Variants in KDM2A observed in about 807,000 individuals in gnomAD.
KDM2A encodes the protein lysine demethylase 2A.
Under a neutral mutation model 137.3 loss-of-function variants are expected in KDM2A, and 3 were observed. The observed-to-expected ratio is 0.02, with a 90% CI of 0.01 to 0.06. The LOEUF is 0.06. KDM2A is among the 10% of genes least tolerant of loss of function. The pLI is 1.00. For synonymous variants in KDM2A, 512 were observed against 541.5 expected, an observed-to-expected ratio of 0.95 and a Z score of 0.76; for missense variants, 738 against 1,510.6, an observed-to-expected ratio of 0.49 and a Z score of 8.48.
At chr11:67,204,962 T>C (rs193141551) in intron 5 of KDM2A, among the ~76,000 whole-genome samples, 20 of 152,328 alleles carry the variant, frequency 1.3e-4, no homozygotes, top group African/African-American at 3.8e-4. Context: ...CTGCAGTGAA[T>C]ATTTATGTAC....
chr11:67,212,633 GAT>G (rs967995971), intron 6 of KDM2A, among the ~76,000 whole-genome samples: 49 of 152,222 alleles, frequency 3.2e-4, no homozygotes, highest in African/African-American at 1.1e-3. Context: ...CAAGGCTAAA[GAT>G]TAACCTAAGA....
intron 6 of KDM2A, among the ~76,000 whole-genome samples, chr11:67,209,728 GCCA>G (rs1857921330): frequency 6.6e-6 from 1 of 152,166 alleles, no homozygotes; most frequent in Non-Finnish European, 1.5e-5. Context: ...ACAGGTGTGA[GCCA>G]CTGTACCCGG....
intron 5 of KDM2A, among the ~76,000 whole-genome samples, chr11:67,188,143 C>A (rs990065680): frequency 6.6e-6 from 1 of 151,792 alleles, no homozygotes; most frequent in African/African-American, 2.4e-5. Flanking sequence ...CTGATCACAC[C>A]ACTGTAGTCC....
rs747423145 is a variant in KDM2A at position 67,250,774 on chromosome 11, G to T, written c.2744G>T (p.Arg915Leu). ...CGCAGAGAACTTTGTGAATGTATGC[G>T]AGTGTGCAAGACGTGGTATAAATGG... ...LSRRELCECMRVCKTWYKWCC... is the reference protein window; with the variant it reads ...LSRRELCECMLVCKTWYKWCC... Residue 915 changes from arginine (R) to leucine (L), a missense_variant, in exon 17 of 21, where the codon CGA becomes CTA. By Grantham distance (102) the Arg-to-Leu change is moderately radical. Coordinates refer to ENST00000529006, the MANE Select transcript of KDM2A (RefSeq NM_012308.3). The surrounding 1 kb of genome is among the most constrained non-coding windows in gnomAD (Gnocchi z 7.1). The T allele has an allele frequency of 6.5e-7, 1 of 1,537,654 alleles. No individual in the cohort carries two copies. Among genetic ancestry groups the T allele is most frequent in the African/African-American group, 1.4e-5 (1 of 72,824 alleles).
At chr11:67,242,056 A>G (rs186768578) in intron 12 of KDM2A, among the ~76,000 whole-genome samples, 1 of 152,262 alleles carries the variant, frequency 6.6e-6, no homozygotes, top group Non-Finnish European at 1.5e-5. Context: ...CCTGAGCAAC[A>G]GAGTGAGACT....
chr11:67,255,281 T>G lies in KDM2A; in HGVS notation c.*226T>G, dbSNP rs577399845. ...AGGAAAAGGGAGTAGCAGATTGATC[T>G]GAGGGGAAAGCACAGGCTGTGCTGT... On this transcript the variant is annotated 3_prime_UTR_variant, in exon 21 of 21. Coordinates refer to ENST00000529006, the MANE Select transcript of KDM2A (RefSeq NM_012308.3). The G allele has an allele frequency of 1.8e-6, 1 of 565,968 alleles. No homozygotes were observed. Among genetic ancestry groups the G allele is most frequent in the African/African-American group, 1.9e-5 (1 of 53,242 alleles). The allele number at this position is 565,968 out of a possible 1,614,324, so 35.1% of individuals were successfully genotyped here. A position where few individuals can be genotyped will look rare whatever the true frequency, so the allele number is the denominator to read the frequency against.
At position 67,250,703 on chromosome 11, in the gene KDM2A, C is replaced by G. The variant is rs1212122517; in HGVS notation, c.2673C>G (p.Ser891Arg). The G allele has an allele frequency of 6.3e-7, 1 of 1,589,438 alleles. No individual in the cohort carries two copies. The highest frequency in any genetic ancestry group is 1.3e-5 in the African/African-American group (1 of 74,484). The change falls in exon 17 of 21, where the codon AGC (serine) becomes AGG (arginine). Residue 891 changes from serine (S) to arginine (R), a missense_variant. Ser to Arg is a moderately radical substitution (Grantham distance 110). This residue lies in a region of KDM2A where 244 missense variants were observed against 324.6 expected (regional missense o/e 0.75). Transcript: ENST00000529006. The surrounding 1 kb of genome is among the most constrained non-coding windows in gnomAD (Gnocchi z 7.1). ...GTTGGGCTCAGGATGGAGACGAAAG[C>G]TGGATGCAGCGGGAGGTCTGGATGT... ...RGSWAQDGDE[S>R]WMQREVWMSV...
chr11:67,137,249 T>G (rs1424533162), intron 2 of KDM2A, among the ~76,000 whole-genome samples: 2 of 152,188 alleles, frequency 1.3e-5, no homozygotes, highest in African/African-American at 4.8e-5. Flanking sequence ...ACAGGTCAGA[T>G]CAAATAGGGC....
rs755518469 is a variant in KDM2A, at chr11:67,228,029, C to T, written c.958-8C>T. 3.7e-6 allele frequency: 6 copies of T among 1,610,036 alleles called. No homozygotes were observed. The highest frequency in any genetic ancestry group is 3.3e-5 in the Admixed American group (2 of 59,972). ...TCGTCATCTTTTCTCTATTTTATTC[C>T]TCTGTAGGTTCCAAATAAGTTTCGC... On this transcript the variant is annotated splice_polypyrimidine_tract_variant and splice_region_variant and intron_variant, in intron 10 of 20. Coordinates refer to ENST00000529006, the MANE Select transcript of KDM2A (RefSeq NM_012308.3).
At chr11:67,174,423 C>G (rs1350129220) in intron 2 of KDM2A, among the ~76,000 whole-genome samples, 1 of 152,142 alleles carries the variant, frequency 6.6e-6, no homozygotes, top group Non-Finnish European at 1.5e-5. Context: ...CTGACATAGA[C>G]AGTTTGAGAA....
chr11:67,154,940 T>A (rs1322123548), intron 2 of KDM2A, among the ~76,000 whole-genome samples: 1 of 152,254 alleles, frequency 6.6e-6, no homozygotes, highest in Non-Finnish European at 1.5e-5. Flanking sequence ...TTGGGTTGTT[T>A]CTACCTTTTA....
intron 2 of KDM2A, among the ~76,000 whole-genome samples, chr11:67,151,709 A>G (rs1274947644): frequency 6.6e-6 from 1 of 151,984 alleles, no homozygotes; most frequent in Non-Finnish European, 1.5e-5. Flanking sequence ...AATTTTTTAC[A>G]TTGACGATAT....
chr11:67,144,567 A>C (rs1019142039), intron 2 of KDM2A, among the ~76,000 whole-genome samples: 1 of 136,142 alleles, frequency 7.3e-6, no homozygotes, highest in Non-Finnish European at 1.6e-5. Flanking sequence ...ATTTTTTTTA[A>C]TATAAATTTT....
intron 2 of KDM2A, among the ~76,000 whole-genome samples, chr11:67,141,343 C>A (rs1358868800): frequency 6.6e-6 from 1 of 151,920 alleles, no homozygotes; most frequent in Non-Finnish European, 1.5e-5. Flanking sequence ...CATTTCAGGT[C>A]CTCCTCTCAA....
chr11:67,181,248 G>C (rs1857085908), intron 3 of KDM2A, 72 bp from the exon 4 acceptor site: 6 of 929,116 alleles, frequency 6.5e-6, no homozygotes, highest in Non-Finnish European at 1.0e-5. Flanking sequence ...TATTACTTAG[G>C]ATCCTTTTTA....
intron 2 of KDM2A, among the ~76,000 whole-genome samples, chr11:67,162,988 G>T (rs949741401): frequency 6.6e-6 from 1 of 152,174 alleles, no homozygotes; most frequent in Non-Finnish European, 1.5e-5. Flanking sequence ...GGGATTATAG[G>T]CTTGAGCCAC....
chr11:67,126,118 T>C (rs1465832373), intron 2 of KDM2A, among the ~76,000 whole-genome samples: 3 of 147,056 alleles, frequency 2.0e-5, no homozygotes, highest in East Asian at 2.0e-4. Flanking sequence ...TGGTGACGCA[T>C]GCCTGTAATC....
intron 5 of KDM2A, among the ~76,000 whole-genome samples, chr11:67,200,936 G>A (rs1282545825): frequency 6.6e-6 from 1 of 152,024 alleles, no homozygotes; most frequent in African/African-American, 2.4e-5. Context: ...GCTCACACCT[G>A]TAATCCCAGC....
chr11:67,131,945 A>G (rs776122447), intron 2 of KDM2A: 9 of 152,124 alleles, frequency 5.9e-5, no homozygotes, highest in Non-Finnish European at 1.2e-4. Flanking sequence ...TCTGTTTTAA[A>G]TTTTAGGTTC....
Sources: allele counts gnomAD v4.1 joint callset (sites outside exome capture counted in the v4.1 genomes callset), GRCh38; gene constraint gnomAD v4.1.1; regional missense constraint gnomAD v4.1.1; non-coding constraint Gnocchi (gnomAD v3.1); transcripts MANE v1.5; gene names NCBI Gene and HGNC (gene_info 2026-07-23, HGNC 2026-07-21).